Variants in ITGB1 observed in about 807,000 individuals in gnomAD.
ITGB1 encodes the protein integrin subunit beta 1, also known as integrin beta-1.
ITGB1 carries 24 observed loss-of-function variants against 86.5 expected under a neutral mutation model. The ratio of observed to expected loss-of-function variants is 0.28; its 90% CI spans 0.20 to 0.39. The LOEUF (loss-of-function observed/expected upper bound fraction) is 0.39, where lower values mean the gene tolerates loss of function less well. Among genes scored for constraint, ITGB1 ranks in the 10% least tolerant of loss-of-function variants. The pLI is 1.00. For missense variants in ITGB1, 556 were observed against 946.9 expected (o/e 0.59, Z 5.42); for synonymous variants, 323 against 316.8 (o/e 1.02, Z -0.21).
intron 15 of ITGB1, among the ~76,000 whole-genome samples, chr10:32,905,323 TG>T: frequency 6.6e-6 from 1 of 152,378 alleles, no homozygotes; most frequent in Non-Finnish European, 1.5e-5. Context: ...ATTCCTGTAC[TG>T]TAGGCTCTTA....
chr10:32,934,785 T>C (rs2137238174), intron 2 of ITGB1, among the ~76,000 whole-genome samples: 1 of 152,330 alleles, frequency 6.6e-6, no homozygotes, highest in African/African-American at 2.4e-5. Context: ...AACCTTTGTT[T>C]AGTTTCTCAT....
At chr10:32,934,550 T>G (rs1449678815) in intron 2 of ITGB1, among the ~76,000 whole-genome samples, 1 of 152,166 alleles carries the variant, frequency 6.6e-6, no homozygotes, top group African/African-American at 2.4e-5. Context: ...ACAAATACCA[T>G]TTTACCACAT....
intron 1 of ITGB1, among the ~76,000 whole-genome samples, chr10:32,947,647 AT>A (rs2095034465): frequency 6.6e-6 from 1 of 152,154 alleles, no homozygotes. Flanking sequence ...ATGTCTTTAT[AT>A]TGAATAAATG....
intron 1 of ITGB1, among the ~76,000 whole-genome samples, chr10:32,948,185 T>C (rs2095035699): frequency 6.6e-6 from 1 of 152,174 alleles, no homozygotes; most frequent in Admixed American, 6.5e-5. Context: ...TATCAAAACC[T>C]TATTATACTC....
intron 11 of ITGB1, among the ~76,000 whole-genome samples, chr10:32,912,814 T>G (rs10827160): frequency 0.14 from 20,609 of 152,208 alleles, 1,693 homozygotes; most frequent in East Asian, 0.25. Flanking sequence ...AAGAGAGTAG[T>G]GGTTCTCCCA....
chr10:32,950,663 T>A (rs189531697), intron 1 of ITGB1, among the ~76,000 whole-genome samples: 1 of 152,070 alleles, frequency 6.6e-6, no homozygotes, highest in African/African-American at 2.4e-5. Flanking sequence ...AGAAAAGTAG[T>A]CTGAATTAGA....
chr10:32,955,171 G>A (rs1233754705), intron 1 of ITGB1, among the ~76,000 whole-genome samples: 1 of 152,028 alleles, frequency 6.6e-6, no homozygotes, highest in African/African-American at 2.4e-5. Flanking sequence ...GTATCTTAAC[G>A]TCTCTACTCC....
At chr10:32,901,766 A>G (rs2094882577) in intron 15 of ITGB1, 131 bp from the exon 16 acceptor site, 2 of 619,410 alleles carry the variant, frequency 3.2e-6, no homozygotes, top group African/African-American at 1.9e-5. Context: ...TCCAGATATC[A>G]CAGTTGTTTT....
chr10:32,949,972 C>T (rs1474447037), intron 1 of ITGB1, among the ~76,000 whole-genome samples: 1 of 151,960 alleles, frequency 6.6e-6, no homozygotes, highest in Admixed American at 6.6e-5. Flanking sequence ...ATGTTCATTT[C>T]AGAGTTGAAA....
At chr10:32,939,007 G>C (rs568906259) in intron 1 of ITGB1, among the ~76,000 whole-genome samples, 2 of 152,112 alleles carry the variant, frequency 1.3e-5, no homozygotes, top group African/African-American at 2.4e-5. Context: ...CTGCACATGC[G>C]CATGGAAGGG....
chr10:32,948,803 C>A lies in ITGB1; in HGVS notation c.-1+9342G>T, dbSNP rs572380779. ...CCCCCAGAACCCTGACATAAATTAC[C>A]CAGTCTGTGGCATTCTGTTATAGCA... On this transcript the variant is annotated intron_variant, in intron 1 of 15. Coordinates refer to ENST00000302278, the MANE Select transcript of ITGB1 (RefSeq NM_002211.4). Among the ~76,000 whole-genome samples, 22 of 152,088 alleles carry A rather than the reference C, an allele frequency of 1.4e-4. No individual in the cohort carries two copies. In the South Asian group the frequency reaches 4.4e-3, roughly 30 times the overall value.
intron 11 of ITGB1, 86 bp downstream of exon 11, chr10:32,919,799 A>T: frequency 8.7e-7 from 1 of 1,155,270 alleles, no homozygotes; most frequent in Non-Finnish European, 1.3e-6. Context: ...AAATAGAGAG[A>T]TATTCTCTGG....
chr10:32,932,952 A>C (rs886260104), intron 2 of ITGB1, among the ~76,000 whole-genome samples: 1 of 152,062 alleles, frequency 6.6e-6, no homozygotes, highest in Admixed American at 6.6e-5. Flanking sequence ...ATATGCAACT[A>C]TATTATTATT....
rs2094963145 is a variant in ITGB1, at chr10:32,925,962, A to T, written c.695T>A (p.Phe232Tyr). The T allele has an allele frequency of 1.2e-6, 2 of 1,614,118 alleles. No individual in the cohort carries two copies. The highest frequency in any genetic ancestry group is 1.7e-5 in the Admixed American group (1 of 60,026). The change falls in exon 6 of 16, where the codon TTT (phenylalanine) becomes TAT (tyrosine). Residue 232 changes from phenylalanine to tyrosine, a missense_variant. This residue lies in a region of ITGB1 where 183 missense variants were observed against 263.9 expected (regional missense o/e 0.69). Transcript: ENST00000302278. ...GCGCTGTTTTCCAACAAGTTCATTA[A>T]ATACTTCTCCTTTATTAGTAAGACT... The part of the protein sequence containing the change: ...VLSLTNKGEV[F>Y]NELVGKQRIS...
chr10:32,910,862 C>A (rs2094911213), intron 13 of ITGB1, among the ~76,000 whole-genome samples: 2 of 152,004 alleles, frequency 1.3e-5, no homozygotes, highest in Non-Finnish European at 2.9e-5. Context: ...CCTCAACCTC[C>A]CAAGTAGTTG....
At chr10:32,948,918 A>C (rs566303282) in intron 1 of ITGB1, among the ~76,000 whole-genome samples, 1 of 150,066 alleles carries the variant, frequency 6.7e-6, no homozygotes, top group Admixed American at 6.7e-5. Flanking sequence ...TATTAATCAA[A>C]CCCAACTAGC....
intron 2 of ITGB1, among the ~76,000 whole-genome samples, chr10:32,934,864 C>CT (rs2094995893): frequency 6.6e-6 from 1 of 152,168 alleles, no homozygotes; most frequent in South Asian, 2.1e-4. Flanking sequence ...CTTATCAATA[C>CT]TTTCTTTTAC....
At chr10:32,920,833 T>C (rs1164732046) in intron 9 of ITGB1, among the ~76,000 whole-genome samples, 1 of 110,858 alleles carries the variant, frequency 9.0e-6, no homozygotes, top group African/African-American at 3.1e-5. Flanking sequence ...AAAAAAAAAA[T>C]TTATCCAAGC....
At chr10:32,911,768 TA>T in intron 12 of ITGB1, 98 bp from the exon 13 acceptor site, 1 of 1,444,872 alleles carries the variant, frequency 6.9e-7, no homozygotes, top group Non-Finnish European at 9.6e-7. Flanking sequence ...AAAGTATACC[TA>T]GGGGCGAGAC....
Sources: allele counts gnomAD v4.1 joint callset (sites outside exome capture counted in the v4.1 genomes callset), GRCh38; gene constraint gnomAD v4.1.1; regional missense constraint gnomAD v4.1.1; transcripts MANE v1.5; gene names NCBI Gene and HGNC (gene_info 2026-07-23, HGNC 2026-07-21).